The following MPPED1 variants were observed in gnomAD, a reference collection of about 807,000 sequenced individuals.
MPPED1 encodes the protein metallophosphoesterase domain-containing protein 1.
A neutral mutation model predicts 36.2 loss-of-function variants in MPPED1; 16 were observed. The ratio of observed to expected loss-of-function variants is 0.44; its 90% confidence interval spans 0.30 to 0.67. MPPED1 has a LOEUF of 0.67. MPPED1 is among the 30% of genes least tolerant of loss of function. The pLI is 0.10. For synonymous variants in MPPED1, 199 were observed against 191.3 expected (o/e 1.04, Z -0.33); for missense variants, 307 against 453.4 (o/e 0.68, Z 2.93).
At chr22:43,452,289 CAGGTGTG>C (rs1930598194) in intron 3 of MPPED1, among the ~76,000 whole-genome samples, 1 of 152,156 alleles carries the variant, frequency 6.6e-6, no homozygotes, top group Non-Finnish European at 1.5e-5. Flanking sequence ...GCTGGGATTA[CAGGTGTG>C]AGCCAATGCG....
At chr22:43,423,684 CTAATT>C (rs767044035) in intron 1 of MPPED1, among the ~76,000 whole-genome samples, 2 of 152,178 alleles carry the variant, frequency 1.3e-5, no homozygotes, top group Non-Finnish European at 2.9e-5. Context: ...TTTTCCTAAT[CTAATT>C]TGTTTTCTGA....
Position 43,438,705 on chromosome 22 carries a change from T to G in MPPED1, c.406+3490T>G, listed in dbSNP as rs1358560882. ...TGTCTGATTTTCTATAGGGGAGGGG[T>G]GTGTTTTTCTGGTAATTTCAAACAA... On this transcript the variant is annotated intron_variant, in intron 3 of 6. Transcript: ENST00000443721. Among the ~76,000 whole-genome samples, 3 of 151,698 alleles carry G rather than the reference T, an allele frequency of 2.0e-5. No individual in the cohort carries two copies. The East Asian group carries it at 5.8e-4, about 29-fold the overall frequency.
At chr22:43,492,030 G>A (rs1932121635) in intron 4 of MPPED1, among the ~76,000 whole-genome samples, 1 of 151,200 alleles carries the variant, frequency 6.6e-6, no homozygotes, top group Non-Finnish European at 1.5e-5. Context: ...GATGATGGAG[G>A]TGGTGGAGGT....
intron 3 of MPPED1, among the ~76,000 whole-genome samples, chr22:43,442,610 T>A (rs1156421488): frequency 1.3e-5 from 2 of 152,216 alleles, no homozygotes; most frequent in East Asian, 3.9e-4. Context: ...TGCCAAGCTC[T>A]GCAGGGGCAG....
intron 3 of MPPED1, among the ~76,000 whole-genome samples, chr22:43,463,819 C>CTTTTTTTTTTT (rs1480549521): frequency 1.9e-4 from 16 of 83,462 alleles, no homozygotes; most frequent in Middle Eastern, 5.5e-3. Flanking sequence ...TTCTTTCTTT[C>CTTTTTTTTTTT]TTTCTTTCTT....
chr22:43,421,336 C>A (rs1005144189), intron 1 of MPPED1, among the ~76,000 whole-genome samples: 2 of 152,246 alleles, frequency 1.3e-5, no homozygotes, highest in Admixed American at 6.5e-5. Context: ...CTGAGCAGGG[C>A]CCGTTGCGAA....
At chr22:43,442,564 C>T (rs543817309) in intron 3 of MPPED1, among the ~76,000 whole-genome samples, 28 of 152,158 alleles carry the variant, frequency 1.8e-4, no homozygotes, top group African/African-American at 6.8e-4. Flanking sequence ...ATGGAGGGTG[C>T]GGTCGGGTGG....
intron 3 of MPPED1, among the ~76,000 whole-genome samples, chr22:43,457,012 A>T (rs1930779230): frequency 6.6e-6 from 1 of 152,020 alleles, no homozygotes; most frequent in Non-Finnish European, 1.5e-5. Flanking sequence ...GCTTGATTTG[A>T]CTTGCTAGTA....
At chr22:43,468,596 C>T (rs959236357) in intron 3 of MPPED1, among the ~76,000 whole-genome samples, 1 of 152,216 alleles carries the variant, frequency 6.6e-6, no homozygotes, top group Non-Finnish European at 1.5e-5. Flanking sequence ...GGACAAGTCT[C>T]TTCCCCTTTC....
chr22:43,419,834 G>T (rs1264048547), intron 1 of MPPED1, among the ~76,000 whole-genome samples: 1 of 152,088 alleles, frequency 6.6e-6, no homozygotes, highest in Non-Finnish European at 1.5e-5. Flanking sequence ...CGTCAAATGG[G>T]ACCTGCTCCT....
chr22:43,477,193 T>G (rs541620026), intron 4 of MPPED1, among the ~76,000 whole-genome samples: 1 of 152,330 alleles, frequency 6.6e-6, no homozygotes, highest in African/African-American at 2.4e-5. Context: ...CTCTGTTATG[T>G]GTCAGGCCCT....
At chr22:43,465,892 G>C (rs1311700585) in intron 3 of MPPED1, among the ~76,000 whole-genome samples, 1 of 152,194 alleles carries the variant, frequency 6.6e-6, no homozygotes, top group Non-Finnish European at 1.5e-5. Context: ...CCCTGGGGAA[G>C]CCGGGGGCCA....
At chr22:43,457,735 G>C (rs1055052684) in intron 3 of MPPED1, among the ~76,000 whole-genome samples, 2 of 152,034 alleles carry the variant, frequency 1.3e-5, no homozygotes, top group Non-Finnish European at 2.9e-5. Flanking sequence ...TAACAATCTA[G>C]TTTTGATTAA....
intron 1 of MPPED1, among the ~76,000 whole-genome samples, chr22:43,421,296 G>A (rs144831363): frequency 0.02 from 3,102 of 152,372 alleles, 77 homozygotes; most frequent in South Asian, 0.12. Context: ...ATTAAAAGAA[G>A]CCGTTGCGTT....
At chr22:43,497,125 C>T (rs148327203) in intron 4 of MPPED1, among the ~76,000 whole-genome samples, 3,780 of 109,488 alleles carry the variant, frequency 0.035, 77 homozygotes, top group East Asian at 0.097. Context: ...TGGTGATGGA[C>T]GTGGTGGTGG....
intron 1 of MPPED1, among the ~76,000 whole-genome samples, chr22:43,422,613 G>A (rs1929314699): frequency 6.6e-6 from 1 of 152,164 alleles, no homozygotes. Flanking sequence ...TCCTGGAACT[G>A]GCCCCTTGGT....
chr22:43,488,866 A>G (rs1039035323), intron 4 of MPPED1, among the ~76,000 whole-genome samples: 9 of 152,256 alleles, frequency 5.9e-5, no homozygotes, highest in African/African-American at 4.8e-5. Flanking sequence ...TGCCCCGCAC[A>G]GTGGGGCTGG....
At chr22:43,448,987 CTT>C (rs200304155) in intron 3 of MPPED1, among the ~76,000 whole-genome samples, 3 of 150,826 alleles carry the variant, frequency 2.0e-5, no homozygotes, top group Non-Finnish European at 1.5e-5. Flanking sequence ...GCCCCTGACT[CTT>C]TTTTTTTAGG....
At chr22:43,468,128 C>A (rs573859711) in intron 3 of MPPED1, among the ~76,000 whole-genome samples, 1 of 152,338 alleles carries the variant, frequency 6.6e-6, no homozygotes, top group African/African-American at 2.4e-5. Flanking sequence ...CAGGGCCATC[C>A]TCTAGTGCTC....
Sources: gnomAD v4.1 joint callset for allele counts (sites outside exome capture counted in the v4.1 genomes callset) on GRCh38, gnomAD v4.1.1 for gene constraint, MANE v1.5 for transcripts, NCBI Gene and HGNC (gene_info 2026-07-23, HGNC 2026-07-21) for gene names.